The following KCNAB2 variants were observed in gnomAD, a reference collection of about 807,000 sequenced individuals.
KCNAB2 encodes potassium voltage-gated channel subfamily A regulatory beta subunit 2.
In KCNAB2, 29 loss-of-function variants were observed where a neutral mutation model predicts 63.6. That is an observed-to-expected ratio of 0.46 (90% CI 0.34 to 0.62). KCNAB2 has a LOEUF of 0.62. Ranked by LOEUF, KCNAB2 falls within the 20% of genes least tolerant of loss-of-function variation. The pLI is 0.01. For missense variants in KCNAB2, 359 were observed against 563.9 expected (o/e 0.64, Z 3.68); for synonymous variants, 222 against 224.2 (o/e 0.99, Z 0.09).
intron 1 of KCNAB2, among the ~76,000 whole-genome samples, chr1:6,022,089 G>C (rs1311449241): frequency 2.0e-5 from 3 of 152,018 alleles, no homozygotes; most frequent in African/African-American, 7.3e-5. Flanking sequence ...TGAGTGTACA[G>C]TTCAGTGGTA....
intron 4 of KCNAB2, among the ~76,000 whole-genome samples, chr1:6,077,739 G>A (rs1443250366): frequency 6.6e-6 from 1 of 152,154 alleles, no homozygotes; most frequent in Non-Finnish European, 1.5e-5. Context: ...GAGCATCCGG[G>A]GCCCCGCCTC....
intron 1 of KCNAB2, among the ~76,000 whole-genome samples, chr1:6,008,148 T>G (rs930528303): frequency 4.6e-5 from 7 of 152,296 alleles, no homozygotes; most frequent in South Asian, 2.1e-4. Flanking sequence ...TTTCTCCATG[T>G]TGCGAAGGGC....
At chr1:6,080,588 G>A (rs1184731889) in intron 4 of KCNAB2, among the ~76,000 whole-genome samples, 6 of 152,216 alleles carry the variant, frequency 3.9e-5, no homozygotes, top group Middle Eastern at 3.2e-3. Context: ...CAGCTGTGCT[G>A]TATTTCAGTG....
chr1:6,025,044 T>C (rs1167595613), intron 1 of KCNAB2, among the ~76,000 whole-genome samples: 2 of 152,204 alleles, frequency 1.3e-5, no homozygotes, highest in African/African-American at 4.8e-5. Context: ...TCTTTTTCAT[T>C]TTCCCATTCG....
intron 1 of KCNAB2, among the ~76,000 whole-genome samples, chr1:6,049,849 C>A (rs1045855739): frequency 3.3e-5 from 5 of 152,228 alleles, no homozygotes; most frequent in Non-Finnish European, 5.9e-5. Context: ...AAGATACAGA[C>A]GAATACTTGC....
chr1:6,045,772 G>T, upstream of KCNAB2: 2 of 366,212 alleles, frequency 5.5e-6, no homozygotes, highest in Non-Finnish European at 7.6e-6. The surrounding 1 kb of genome is among the most constrained non-coding windows in gnomAD (Gnocchi z 4.8). Context: ...TCGACCTGTG[G>T]GTCCAAAGGT....
At position 6,078,581 on chromosome 1, in the gene KCNAB2, G is replaced by C. The variant is rs553353222; in HGVS notation, c.301-3614G>C. ...CCTAAGGCCGAGTGTTGGGGAGAAG[G>C]GGATGCAGGGGATAGAGCTGGGGGT... is the stretch of plus-strand genomic sequence containing the variant. On this transcript the variant is annotated intron_variant, in intron 4 of 15. Coordinates refer to ENST00000378083, the MANE Select transcript of KCNAB2 (RefSeq NM_001199862.2). The surrounding 1 kb of genome is among the most constrained non-coding windows in gnomAD (Gnocchi z 4.2). Among the ~76,000 whole-genome samples, 208 of 152,290 alleles carry C rather than the reference G, an allele frequency of 1.4e-3. 1 individual carries two copies. The highest frequency in any genetic ancestry group is 4.6e-3 in the African/African-American group (193 of 41,562).
chr1:6,084,270 C>T (rs1664456713), intron 5 of KCNAB2, among the ~76,000 whole-genome samples: 1 of 152,202 alleles, frequency 6.6e-6, no homozygotes, highest in African/African-American at 2.4e-5. Context: ...GCCGCCCATG[C>T]CCCCAGCTGG....
chr1:6,067,010 C>A (rs1662813409), intron 2 of KCNAB2, among the ~76,000 whole-genome samples: 1 of 152,212 alleles, frequency 6.6e-6, no homozygotes, highest in Non-Finnish European at 1.5e-5. Flanking sequence ...CCTGCCGGGG[C>A]CTTTCTCCAA....
In KCNAB2 at chr1:6,096,895, C is replaced by A; in HGVS notation, c.1069+139C>A. On this transcript the variant is annotated intron_variant, in intron 14 of 15. Coordinates refer to ENST00000378083, the MANE Select transcript of KCNAB2 (RefSeq NM_001199862.2). This position sits in a 1 kb window ranked among gnomAD's most constrained non-coding sequence, Gnocchi z 5.9. The stretch of plus-strand genomic sequence containing the variant: ...GGATCCCTGGACATCATCCCCCAGC[C>A]AGCCTCGGGTAATCGGGCTCTAAGG... 8.4e-7 allele frequency: 1 copy of A among 1,191,858 alleles called. No individual in the cohort carries two copies. Among genetic ancestry groups the A allele is most frequent in the Non-Finnish European group, 1.1e-6 (1 of 878,288 alleles). 73.8% of individuals were successfully genotyped at this position (1,191,858 alleles called of 1,614,324 possible). A position where few individuals can be genotyped will look rare whatever the true frequency, so the allele number is the denominator to read the frequency against.
At chr1:6,084,617 A>G (rs966206380) in intron 5 of KCNAB2, among the ~76,000 whole-genome samples, 19 of 152,142 alleles carry the variant, frequency 1.2e-4, no homozygotes, top group South Asian at 4.1e-4. Flanking sequence ...GGAGTTCGAG[A>G]CCAGCCTGGC....
Position 6,078,432 on chromosome 1 carries a change from A to T in KCNAB2, c.301-3763A>T, listed in dbSNP as rs1053768916. On this transcript the variant is annotated intron_variant, in intron 4 of 15. Coordinates refer to ENST00000378083, the MANE Select transcript of KCNAB2 (RefSeq NM_001199862.2). This position sits in a 1 kb window ranked among gnomAD's most constrained non-coding sequence, Gnocchi z 4.2. ...GTTGACTGCAGAGAAGAAAGTAGAA[A>T]AAGGAGGGCAGGGGGGCGGGGGTCC... Among the ~76,000 whole-genome samples, 9 of 138,456 alleles carry T rather than the reference A, an allele frequency of 6.5e-5. No individual in the cohort carries two copies. The highest frequency in any genetic ancestry group is 6.1e-4 in the Admixed American group (9 of 14,736). The allele number at this position is 138,456 out of a possible 152,430, so 90.8% of individuals were successfully genotyped here. A position where few individuals can be genotyped will look rare whatever the true frequency, so the allele number is the denominator to read the frequency against.
At chr1:5,999,594 A>T (rs1431500814) in intron 1 of KCNAB2, among the ~76,000 whole-genome samples, 1 of 152,116 alleles carries the variant, frequency 6.6e-6, no homozygotes, top group Non-Finnish European at 1.5e-5. Flanking sequence ...CAAATCTGAG[A>T]TGTGCTTTCA....
At chr1:6,020,820 C>A (rs12129571) in intron 1 of KCNAB2, among the ~76,000 whole-genome samples, 1 of 152,044 alleles carries the variant, frequency 6.6e-6, no homozygotes, top group African/African-American at 2.4e-5. Context: ...GTGCCCACCA[C>A]CATGCCTGGC....
chr1:6,072,574 A>C (rs1489709350), intron 2 of KCNAB2, among the ~76,000 whole-genome samples, 181 bp from the exon 3 acceptor site: 1 of 152,056 alleles, frequency 6.6e-6, no homozygotes, highest in Non-Finnish European at 1.5e-5. Context: ...GGCAGTTGGC[A>C]CTTTACCCCC....
In KCNAB2 at chr1:6,073,911, G is replaced by A; in HGVS notation, c.300+141G>A. 1 of 843,012 alleles carries A rather than the reference G, an allele frequency of 1.2e-6. No individual in the cohort carries two copies. The allele number at this position is 843,012 out of a possible 1,614,324, so 52.2% of individuals were successfully genotyped here. A position where few individuals can be genotyped will look rare whatever the true frequency, so the allele number is the denominator to read the frequency against. ...CCCTCCCTCTTTCTGTTTTGTGAGGGCGCCCTGCCCCAGGGGAGAGTAGAA... is the reference window on the plus strand; with the variant it reads ...CCCTCCCTCTTTCTGTTTTGTGAGGACGCCCTGCCCCAGGGGAGAGTAGAA... On this transcript the variant is annotated intron_variant, in intron 4 of 15. Transcript: ENST00000378083. The surrounding 1 kb of genome is among the most constrained non-coding windows in gnomAD (Gnocchi z 5.7).
At chr1:6,091,028 C>T (rs1206820945) in intron 9 of KCNAB2, among the ~76,000 whole-genome samples, 2 of 152,228 alleles carry the variant, frequency 1.3e-5, no homozygotes. Context: ...AGGCGTCTTT[C>T]CATGTGTGCT....
intron 1 of KCNAB2, among the ~76,000 whole-genome samples, chr1:5,993,736 G>T (rs1039817651): frequency 2.0e-4 from 30 of 152,120 alleles, no homozygotes; most frequent in Admixed American, 1.9e-3. Flanking sequence ...TTCCTCCCTG[G>T]CCACCGTCTC....
In KCNAB2 at chr1:6,073,839, C is replaced by A; in HGVS notation, c.300+69C>A. ...CGCCAGAGCACATGGTTAAGTCTGC[C>A]GCGTGGACCAGTGAGCACGTGCTCC... On this transcript the variant is annotated intron_variant, in intron 4 of 15. Coordinates refer to ENST00000378083, the MANE Select transcript of KCNAB2 (RefSeq NM_001199862.2). The surrounding 1 kb of genome is among the most constrained non-coding windows in gnomAD (Gnocchi z 5.7). 6.6e-7 allele frequency: 1 copy of A among 1,508,814 alleles called. No homozygotes were observed. The highest frequency in any genetic ancestry group is 9.2e-7 in the Non-Finnish European group (1 of 1,085,704). The allele number at this position is 1,508,814 out of a possible 1,614,324, so 93.5% of individuals were successfully genotyped here.
Sources: allele counts gnomAD v4.1 joint callset (sites outside exome capture counted in the v4.1 genomes callset), GRCh38; gene constraint gnomAD v4.1.1; non-coding constraint Gnocchi (gnomAD v3.1); transcripts MANE v1.5; gene names NCBI Gene and HGNC (gene_info 2026-07-23, HGNC 2026-07-21).